Variants in CHD9 observed in about 807,000 individuals in gnomAD.
CHD9 encodes chromodomain helicase DNA binding protein 9, also known as ATP-dependent chromatin remodeler CHD9.
CHD9 carries 77 observed loss-of-function variants against 316.1 expected under a neutral mutation model. That is an observed-to-expected ratio of 0.24 (90% CI 0.20 to 0.29). The LOEUF (loss-of-function observed/expected upper bound fraction) is 0.29. CHD9 is among the 10% of genes least tolerant of loss of function. The probability of loss-of-function intolerance (pLI) is 1.00; values close to 1 mark genes in which losing one functional copy is unlikely to be tolerated. For missense variants in CHD9, 2,763 were observed against 3,438.1 expected, an observed-to-expected ratio of 0.80 and a Z score of 4.91; for synonymous variants, 1,129 against 1,158.3, an observed-to-expected ratio of 0.97 and a Z score of 0.51.
chr16:53,103,179 AGATTT>A (rs2037047222), intron 1 of CHD9, among the ~76,000 whole-genome samples: 1 of 140,180 alleles, frequency 7.1e-6, no homozygotes, highest in Admixed American at 7.0e-5. Flanking sequence ...AAAAAAAGGT[AGATTT>A]TATTTGTTTT....
At chr16:53,169,505 A>G (rs1180754020) in intron 2 of CHD9, 1 of 152,218 alleles carries the variant, frequency 6.6e-6, no homozygotes, top group Non-Finnish European at 1.5e-5. Context: ...CATTTTTTCT[A>G]ATCTTTTATT....
At chr16:53,063,060 A>C (rs1460998873) in intron 1 of CHD9, among the ~76,000 whole-genome samples, 3 of 152,070 alleles carry the variant, frequency 2.0e-5, no homozygotes, top group Non-Finnish European at 4.4e-5. Context: ...TTATTAGAAA[A>C]ATATATATGT....
chr16:53,258,495 A>G (rs1484524356), intron 19 of CHD9, among the ~76,000 whole-genome samples: 1 of 152,154 alleles, frequency 6.6e-6, no homozygotes, highest in Non-Finnish European at 1.5e-5. Context: ...TGGGAATGCT[A>G]TTAGATACTG....
chr16:53,322,809 A>G (rs1567691661), intron 38 of CHD9, among the ~76,000 whole-genome samples: 1 of 152,044 alleles, frequency 6.6e-6, no homozygotes, highest in Non-Finnish European at 1.5e-5. Flanking sequence ...TCAGAAAGGG[A>G]GGTGGGGGGA....
At chr16:53,118,073 C>T (rs1489258491) in intron 1 of CHD9, among the ~76,000 whole-genome samples, 4 of 151,590 alleles carry the variant, frequency 2.6e-5, no homozygotes, top group East Asian at 2.0e-4. Context: ...ATGATCCACC[C>T]GCCTCGGCCT....
chr16:53,231,919 G>C, intron 10 of CHD9, 135 bp downstream of exon 10: 1 of 824,676 alleles, frequency 1.2e-6, no homozygotes, highest in Non-Finnish European at 1.8e-6. Flanking sequence ...CTAGTTTTGG[G>C]AGCCAAAGCT....
Position 53,235,135 on chromosome 16 carries a change from A to G in CHD9, c.2512-50A>G, listed in dbSNP as rs1166289050. Reference sequence around the variant, plus strand: ...TAAACCAATGCTTTTTGCCTTCAGTATGATATATGGAAGATTTAAACACCA... The same window carrying G: ...TAAACCAATGCTTTTTGCCTTCAGTGTGATATATGGAAGATTTAAACACCA... On this transcript the variant is annotated intron_variant, in intron 10 of 38. Coordinates refer to ENST00000447540, the MANE Select transcript of CHD9 (RefSeq NM_001308319.2). 5 of 1,493,134 alleles carry G rather than the reference A, an allele frequency of 3.3e-6. No individual in the cohort carries two copies. In the African/African-American group the frequency reaches 7.0e-5, roughly 21 times the overall value. The allele number at this position is 1,493,134 out of a possible 1,614,324, so 92.5% of individuals were successfully genotyped here. A position where few individuals can be genotyped will look rare whatever the true frequency, so the allele number is the denominator to read the frequency against.
chr16:53,137,395 A>G (rs978581266), intron 1 of CHD9, among the ~76,000 whole-genome samples: 3 of 152,132 alleles, frequency 2.0e-5, no homozygotes, highest in Non-Finnish European at 4.4e-5. Flanking sequence ...TCCTACACCC[A>G]TCTTTCGGTG....
chr16:53,082,249 T>G (rs1209755314), intron 1 of CHD9, among the ~76,000 whole-genome samples: 1 of 150,320 alleles, frequency 6.7e-6, no homozygotes, highest in Non-Finnish European at 1.5e-5. Flanking sequence ...TATTTATTTA[T>G]TCATGTATGT....
intron 24 of CHD9, among the ~76,000 whole-genome samples, chr16:53,276,867 A>T (rs1276118362): frequency 6.6e-6 from 1 of 152,172 alleles, no homozygotes; most frequent in Non-Finnish European, 1.5e-5. Context: ...AGCAAGATTA[A>T]CCAAGAAAAG....
rs192937842 is a variant in CHD9, at chr16:53,320,208, A to G, written c.7714-1318A>G. Among the ~76,000 whole-genome samples, 335 of 150,994 alleles carry G rather than the reference A, an allele frequency of 2.2e-3. 3 individuals carry two copies. Among genetic ancestry groups the G allele is most frequent in the African/African-American group, 7.8e-3 (322 of 41,234 alleles). On this transcript the variant is annotated intron_variant, in intron 37 of 38. Coordinates refer to ENST00000447540, the MANE Select transcript of CHD9 (RefSeq NM_001308319.2). The stretch of plus-strand genomic sequence containing the variant: ...GTGAGTGAGTCTCTTTAAAAAAAAA[A>G]AAAAAAAAGAAATACCATGTAAGAA...
intron 1 of CHD9, among the ~76,000 whole-genome samples, chr16:53,104,188 T>G (rs2037128214): frequency 6.6e-6 from 1 of 152,232 alleles, no homozygotes; most frequent in South Asian, 2.1e-4. Flanking sequence ...TTTTATTTTT[T>G]CCCCCTTGTA....
chr16:53,270,538 C>T (rs907680287), intron 22 of CHD9, among the ~76,000 whole-genome samples: 1 of 152,020 alleles, frequency 6.6e-6, no homozygotes, highest in African/African-American at 2.4e-5. Context: ...TGATTTATTA[C>T]ATTTACTTCA....
intron 1 of CHD9, among the ~76,000 whole-genome samples, chr16:53,134,154 A>G (rs1050468066): frequency 6.6e-6 from 1 of 152,206 alleles, no homozygotes; most frequent in South Asian, 2.1e-4. Context: ...TGAGTGAATA[A>G]AAAACACAGG....
In CHD9 at chr16:53,112,877, G is replaced by A. The variant is rs572968295; in HGVS notation, c.-164-43049G>A. On this transcript the variant is annotated intron_variant, in intron 1 of 38. Transcript: ENST00000447540. ...CAAAAATAAAAATAAGCTGGGTGTG[G>A]TGTCTCACGCCTGTAGTTCTAGGCT... Among the ~76,000 whole-genome samples, 50 of 152,186 alleles carry A rather than the reference G, an allele frequency of 3.3e-4. 1 individual carries two copies. The highest frequency in any genetic ancestry group is 1.2e-3 in the South Asian group (6 of 4,822).
chr16:53,155,603 A>C (rs1443942079), intron 1 of CHD9, among the ~76,000 whole-genome samples: 2 of 152,202 alleles, frequency 1.3e-5, no homozygotes, highest in Admixed American at 6.5e-5. Flanking sequence ...TAGCATACTC[A>C]GAGTTGTTTA....
At chr16:53,118,497 T>C (rs1182553024) in intron 1 of CHD9, among the ~76,000 whole-genome samples, 1 of 152,188 alleles carries the variant, frequency 6.6e-6, no homozygotes, top group African/African-American at 2.4e-5. Context: ...CATCTAATGG[T>C]AACCAGAGAA....
intron 2 of CHD9, among the ~76,000 whole-genome samples, chr16:53,182,667 A>C (rs891926258): frequency 6.6e-6 from 1 of 152,168 alleles, no homozygotes; most frequent in African/African-American, 2.4e-5. Flanking sequence ...AGTTTTAGAA[A>C]AACACTTCAC....
chr16:53,223,287 A>T (rs2152908094), intron 4 of CHD9, among the ~76,000 whole-genome samples: 1 of 151,400 alleles, frequency 6.6e-6, no homozygotes. Context: ...GATATTCAAA[A>T]TAACCCTCTG....
Sources: allele counts gnomAD v4.1 joint callset (sites outside exome capture counted in the v4.1 genomes callset), GRCh38; gene constraint gnomAD v4.1.1; transcripts MANE v1.5; gene names NCBI Gene and HGNC (gene_info 2026-07-23, HGNC 2026-07-21).